OPHN1: variants seen among roughly 807,000 people sequenced by gnomAD.
The protein encoded by OPHN1 is oligophrenin 1, also known as oligophrenin-1.
A neutral mutation model predicts 60.7 loss-of-function variants in OPHN1; 11 were observed. The observed-to-expected ratio is 0.18, with a 90% CI of 0.11 to 0.30. OPHN1 has a LOEUF of 0.30. OPHN1 is among the 10% of genes least tolerant of loss of function. The pLI is 1.00. For synonymous variants in OPHN1, 226 were observed against 222.6 expected (o/e 1.02, Z -0.14); for missense variants, 449 against 611.0 (o/e 0.73, Z 2.80).
At chrX:68,261,013 G>C (rs1441666172) in intron 5 of OPHN1, among the ~76,000 whole-genome samples, 2 of 111,600 alleles carry the variant, frequency 1.8e-5, no homozygotes, top group African/African-American at 6.5e-5. Context: ...ACTGTACATG[G>C]ATGAGAAACA....
intron 15 of OPHN1, among the ~76,000 whole-genome samples, chrX:68,131,714 T>A (rs1313614398): frequency 8.9e-6 from 1 of 112,018 alleles, no homozygotes; most frequent in Non-Finnish European, 1.9e-5. Flanking sequence ...TAAGTAAAGA[T>A]GTAGAAGACT....
At chrX:68,428,706 C>G (rs752826866) in intron 2 of OPHN1, among the ~76,000 whole-genome samples, 1 of 112,345 alleles carries the variant, frequency 8.9e-6, no homozygotes, top group East Asian at 2.8e-4. Context: ...GGCCACATCA[C>G]TTGTTCTGAA....
chrX:68,222,615 C>A (rs2077666889), intron 6 of OPHN1, among the ~76,000 whole-genome samples: 1 of 107,087 alleles, frequency 9.3e-6, no homozygotes, highest in African/African-American at 3.4e-5. Context: ...AATGTGAGTT[C>A]ATGTCCTTTG....
At chrX:68,217,349 G>C (rs2077617646) in intron 6 of OPHN1, among the ~76,000 whole-genome samples, 1 of 111,825 alleles carries the variant, frequency 8.9e-6, no homozygotes, top group Admixed American at 9.4e-5. Flanking sequence ...GCGAGGCTGG[G>C]GGAGGGGCGC....
At chrX:68,065,199 T>C (rs2076908967) in intron 20 of OPHN1, among the ~76,000 whole-genome samples, 1 of 111,024 alleles carries the variant, frequency 9.0e-6, no homozygotes, top group African/African-American at 3.3e-5. Context: ...GAGATATATA[T>C]CAACCAATTG....
At chrX:68,305,414 G>A (rs1408487966) in intron 2 of OPHN1, among the ~76,000 whole-genome samples, 2 of 112,048 alleles carry the variant, frequency 1.8e-5, no homozygotes, top group African/African-American at 6.5e-5. Flanking sequence ...CCTGCCCATG[G>A]GGGCTTTGAA....
chrX:68,165,506 C>T (rs1335592434), intron 15 of OPHN1, among the ~76,000 whole-genome samples: 5 of 111,312 alleles, frequency 4.5e-5, no homozygotes, highest in Non-Finnish European at 9.4e-5. Context: ...ATTAAGTTTA[C>T]CATCTTATAT....
At chrX:68,413,288 C>T (rs1035727796) in intron 2 of OPHN1, among the ~76,000 whole-genome samples, 1 of 111,769 alleles carries the variant, frequency 8.9e-6, no homozygotes, top group Non-Finnish European at 1.9e-5. Context: ...TTTATACACA[C>T]ATCTCCATTA....
At chrX:68,219,949 A>G (rs1217259796) in intron 6 of OPHN1, among the ~76,000 whole-genome samples, 2 of 87,715 alleles carry the variant, frequency 2.3e-5, no homozygotes, top group African/African-American at 8.3e-5. Context: ...ACTGAAGGAA[A>G]TAGAGACACA....
chrX:68,312,752 C>A (rs2078179753), intron 2 of OPHN1, among the ~76,000 whole-genome samples: 1 of 111,271 alleles, frequency 9.0e-6, no homozygotes, highest in African/African-American at 3.3e-5. Context: ...ACAAAATTGA[C>A]AAACTTTTAG....
chrX:68,172,637 T>C (rs749600578), intron 15 of OPHN1, among the ~76,000 whole-genome samples: 2 of 111,147 alleles, frequency 1.8e-5, no homozygotes, highest in East Asian at 5.6e-4. Flanking sequence ...AAAGAAAGCT[T>C]TTTAGAAACC....
At chrX:68,241,602 A>T (rs1055361218) in intron 5 of OPHN1, among the ~76,000 whole-genome samples, 1 of 111,867 alleles carries the variant, frequency 8.9e-6, no homozygotes, top group African/African-American at 3.2e-5. Flanking sequence ...CTAGTATGCA[A>T]AACATAAAAT....
intron 21 of OPHN1, among the ~76,000 whole-genome samples, chrX:68,054,910 TA>T (rs1475262337): frequency 8.9e-6 from 1 of 112,337 alleles, no homozygotes; most frequent in Non-Finnish European, 1.9e-5. Context: ...ACAGTAAATG[TA>T]AAAACATACT....
intron 20 of OPHN1, chrX:68,071,554 T>C (rs1161901985): frequency 3.4e-6 from 2 of 594,303 alleles, no homozygotes. Context: ...TTGTCAGGCA[T>C]AGGGACACCA....
At chrX:68,338,219 A>T (rs967895143) in intron 2 of OPHN1, among the ~76,000 whole-genome samples, 21 of 111,768 alleles carry the variant, frequency 1.9e-4, no homozygotes, top group Middle Eastern at 4.2e-3. Context: ...GAAATATAAG[A>T]CTTCAAAAAT....
intron 5 of OPHN1, among the ~76,000 whole-genome samples, chrX:68,250,657 C>T (rs951294604): frequency 4.5e-5 from 5 of 111,638 alleles, no homozygotes; most frequent in East Asian, 2.8e-4. Flanking sequence ...TTGGTATTTG[C>T]GTTTATTTTA....
intron 2 of OPHN1, among the ~76,000 whole-genome samples, chrX:68,396,450 T>C (rs1454291481): frequency 7.9e-5 from 8 of 101,839 alleles, no homozygotes; most frequent in Non-Finnish European, 1.6e-4. Context: ...TAGGTGAATC[T>C]ACATGTCTCT....
intron 2 of OPHN1, among the ~76,000 whole-genome samples, chrX:68,381,333 AT>A (rs1476667446): frequency 8.9e-6 from 1 of 111,951 alleles, no homozygotes; most frequent in Non-Finnish European, 1.9e-5. Context: ...CCCAAATAGA[AT>A]TCAATTTCCT....
chrX:68,241,464 G>T (rs755371805), intron 5 of OPHN1, among the ~76,000 whole-genome samples: 1 of 111,396 alleles, frequency 9.0e-6, no homozygotes, highest in African/African-American at 3.3e-5. Context: ...AATTGTAAGA[G>T]AACATTTATT....
Sources: allele counts gnomAD v4.1 joint callset (sites outside exome capture counted in the v4.1 genomes callset), GRCh38; gene constraint gnomAD v4.1.1; transcripts MANE v1.5; gene names NCBI Gene and HGNC (gene_info 2026-07-23, HGNC 2026-07-21).